REELD1: variants seen among roughly 807,000 people sequenced by gnomAD.
REELD1 encodes reelin domain-containing protein 1.
REELD1 carries 12 observed loss-of-function variants against 6.3 expected under a neutral mutation model. The ratio of observed to expected loss-of-function variants is 1.89; its 90% confidence interval spans 1.21 to 3.07. REELD1 has a LOEUF of 3.07. Among genes scored for constraint, REELD1 ranks in the 30% most tolerant of loss-of-function variants. The pLI is 0.00. For missense variants in REELD1, 163 were observed against 86.8 expected, an observed-to-expected ratio of 1.88 and a Z score of -3.49; for synonymous variants, 57 against 33.6, an observed-to-expected ratio of 1.70 and a Z score of -2.42.
chr4:146,225,378 C>T (rs576122566), intron 5 of REELD1, among the ~76,000 whole-genome samples: 2 of 152,276 alleles, frequency 1.3e-5, no homozygotes, highest in Admixed American at 6.5e-5. Flanking sequence ...TTCTCCTCTT[C>T]GCTTATTCTT....
intron 5 of REELD1, among the ~76,000 whole-genome samples, chr4:146,226,352 T>G (rs1731021825): frequency 6.6e-6 from 1 of 152,206 alleles, no homozygotes; most frequent in South Asian, 2.1e-4. Flanking sequence ...AAACTTTTCC[T>G]TATACTTCTT....
rs1425786946 is a variant in REELD1 at position 146,232,109 on chromosome 4, A to G, written c.*1596A>G. The G allele has an allele frequency of 1.3e-5, 2 of 152,260 alleles. No individual in the cohort carries two copies. The highest frequency in any genetic ancestry group is 4.8e-5 in the African/African-American group (2 of 41,470). 9.4% of individuals were successfully genotyped at this position (152,260 alleles called of 1,614,324 possible). A position where few individuals can be genotyped will look rare whatever the true frequency, so the allele number is the denominator to read the frequency against. On this transcript the variant is annotated 3_prime_UTR_variant, in exon 8 of 8. Transcript: ENST00000623665. ...TAGTGGAGAGCTTTCATCTGGCCAC[A>G]TCACATCAGAGCCAGATGCACCATG...
intron 4 of REELD1, among the ~76,000 whole-genome samples, chr4:146,223,074 G>C (rs55828257): frequency 0.36 from 54,268 of 152,086 alleles, 10,430 homozygotes; most frequent in African/African-American, 0.5. Context: ...TCGCTCAGAA[G>C]AGTTCCTGGC....
chr4:146,224,515 C>T lies in REELD1; in HGVS notation c.502C>T (p.His168Tyr), dbSNP rs2110921841. ...IESSVVSQQTHSSAHSDDRME... is the reference protein window; with the variant it reads ...IESSVVSQQTYSSAHSDDRME... ...ATCATCTGTTGTGTCTCAACAGACACATAGCAGCGCCCATTCTGACGACCG... is the reference window on the plus strand; with the variant it reads ...ATCATCTGTTGTGTCTCAACAGACATATAGCAGCGCCCATTCTGACGACCG... The change falls in exon 5 of 8, where the codon CAT becomes TAT. Residue 168 changes from histidine (H) to tyrosine (Y), a missense_variant. By Grantham distance (83) the His-to-Tyr change is moderately conservative. Coordinates refer to ENST00000623665, the MANE Select transcript of REELD1 (RefSeq NM_001354631.1). The T allele has an allele frequency of 1.4e-6, 1 of 701,122 alleles. No individual in the cohort carries two copies. Among genetic ancestry groups the T allele is most frequent in the Non-Finnish European group, 2.6e-6 (1 of 384,472 alleles). The allele number at this position is 701,122 out of a possible 1,614,324, so 43.4% of individuals were successfully genotyped here. A position where few individuals can be genotyped will look rare whatever the true frequency, so the allele number is the denominator to read the frequency against.
At chr4:146,219,813 TGTGA>T (rs2110917534) in intron 3 of REELD1, among the ~76,000 whole-genome samples, 1 of 152,390 alleles carries the variant, frequency 6.6e-6, no homozygotes, top group African/African-American at 2.4e-5. Context: ...TTTAAGCATA[TGTGA>T]GTGAGATCTC....
rs190888251 is a variant in REELD1, at chr4:146,229,051, C to T, written c.935C>T (p.Ser312Leu). Residue 312 changes from serine to leucine, a missense_variant, in exon 7 of 8, where the codon TCA becomes TTA. By Grantham distance (145) the Ser-to-Leu change is moderately radical. Coordinates refer to ENST00000623665, the MANE Select transcript of REELD1 (RefSeq NM_001354631.1). ...ACTCAGGATGATCCCAGCTTTGATT[C>T]ACTGGAAACTTGCCTGTCCTCAGAT... ...HRTQDDPSFD[S>L]LETCLSSDGG... The T allele has an allele frequency of 1.4e-6, 1 of 702,304 alleles. No individual in the cohort carries two copies. Among genetic ancestry groups the T allele is most frequent in the Non-Finnish European group, 2.6e-6 (1 of 384,884 alleles). The allele number at this position is 702,304 out of a possible 1,614,324, so 43.5% of individuals were successfully genotyped here.
intron 3 of REELD1, 44 bp downstream of exon 3, chr4:146,217,204 G>A: frequency 2.5e-6 from 1 of 398,894 alleles, no homozygotes. Flanking sequence ...GAGCCCCAGA[G>A]CCCCCATGGA....
chr4:146,226,709 G>C (rs892837927), intron 5 of REELD1, among the ~76,000 whole-genome samples: 1 of 152,174 alleles, frequency 6.6e-6, no homozygotes, highest in African/African-American at 2.4e-5. Flanking sequence ...TATGAATTTT[G>C]AGGGGGGCAC....
intron 3 of REELD1, among the ~76,000 whole-genome samples, chr4:146,220,834 G>A (rs921702458): frequency 5.3e-5 from 8 of 152,318 alleles, no homozygotes; most frequent in African/African-American, 1.2e-4. Flanking sequence ...TAACTTCCCC[G>A]AAGACAGGTG....
chr4:146,224,302 ATCTCTC>A (rs910260245), intron 4 of REELD1, 137 bp from the exon 5 acceptor site: 21 of 419,976 alleles, frequency 5.0e-5, no homozygotes, highest in African/African-American at 4.3e-4. Flanking sequence ...TAATAATATA[ATCTCTC>A]TCTCTCATTC....
Position 146,228,312 on chromosome 4 carries a change from G to A in REELD1, c.698G>A (p.Ser233Asn). The A allele has an allele frequency of 1.4e-6, 1 of 702,562 alleles. No homozygotes were observed. Among genetic ancestry groups the A allele is most frequent in the Non-Finnish European group, 2.6e-6 (1 of 384,998 alleles). The allele number at this position is 702,562 out of a possible 1,614,324, so 43.5% of individuals were successfully genotyped here. A position where few individuals can be genotyped will look rare whatever the true frequency, so the allele number is the denominator to read the frequency against. Reference protein sequence around the residue: ...EEDNLDPVPASIWVTKFPGDA... With the variant: ...EEDNLDPVPANIWVTKFPGDA... ...GACAACCTAGATCCTGTTCCTGCCA[G>A]TATTTGGGTGACAAAGTTTCCTGGG... Residue 233 changes from serine (S) to asparagine (N), a missense_variant, in exon 6 of 8, where the codon AGT (serine) becomes AAT (asparagine). Ser to Asn is a conservative substitution (Grantham distance 46). Coordinates refer to ENST00000623665, the MANE Select transcript of REELD1 (RefSeq NM_001354631.1).
intron 1 of REELD1, 96 bp from the exon 2 acceptor site, chr4:146,214,980 G>T (rs1296789735): frequency 1.3e-5 from 2 of 152,204 alleles, no homozygotes; most frequent in East Asian, 3.8e-4. Context: ...CCCTTCCCTT[G>T]TAGGCAACTG....
intron 3 of REELD1, among the ~76,000 whole-genome samples, chr4:146,222,108 G>T (rs1730934182): frequency 6.6e-6 from 1 of 151,802 alleles, no homozygotes; most frequent in Non-Finnish European, 1.5e-5. Context: ...GCTCAGAGAG[G>T]TATTTCTAAA....
intron 3 of REELD1, among the ~76,000 whole-genome samples, 182 bp downstream of exon 3, chr4:146,217,342 A>G (rs1380766781): frequency 6.6e-6 from 1 of 152,148 alleles, no homozygotes; most frequent in African/African-American, 2.4e-5. Flanking sequence ...TCCTGGGCTT[A>G]AGTGATCCTC....
chr4:146,217,369 A>G (rs1730845676), intron 3 of REELD1, among the ~76,000 whole-genome samples: 2 of 152,154 alleles, frequency 1.3e-5, no homozygotes, highest in Non-Finnish European at 2.9e-5. Context: ...CAGGCTCCCA[A>G]GAAGCTGGGA....
At chr4:146,228,066 A>G in intron 5 of REELD1, 144 bp from the exon 6 acceptor site, 1 of 603,516 alleles carries the variant, frequency 1.7e-6, no homozygotes, top group Non-Finnish European at 3.0e-6. Context: ...TTATGCTGAC[A>G]CTTTTAAGTG....
At position 146,216,112 on chromosome 4, in the gene REELD1, A is replaced by T. The variant is rs1280398173; in HGVS notation, c.-11-830A>T. ...TAAATATTTATGTAGGCAGATTTTC[A>T]TCTGCCTTGTTTGCTATCTCTCATT... On this transcript the variant is annotated intron_variant, in intron 2 of 7. Coordinates refer to ENST00000623665, the MANE Select transcript of REELD1 (RefSeq NM_001354631.1). Among the ~76,000 whole-genome samples, 3 of 152,350 alleles carry T rather than the reference A, an allele frequency of 2.0e-5. No homozygotes were observed. The East Asian group carries it at 5.8e-4, about 29-fold the overall frequency.
intron 6 of REELD1, 98 bp downstream of exon 6, chr4:146,228,620 T>A (rs953990741): frequency 2.1e-5 from 13 of 605,270 alleles, no homozygotes; most frequent in Non-Finnish European, 3.8e-5. Context: ...CTCAGCCATA[T>A]TTTTTCTTAA....
At chr4:146,227,353 A>G (rs1285439454) in intron 5 of REELD1, among the ~76,000 whole-genome samples, 1 of 152,216 alleles carries the variant, frequency 6.6e-6, no homozygotes, top group Non-Finnish European at 1.5e-5. Flanking sequence ...CTCCACCCCC[A>G]TAAAGAACCT....
Sources: allele counts gnomAD v4.1 joint callset (sites outside exome capture counted in the v4.1 genomes callset), GRCh38; gene constraint gnomAD v4.1.1; transcripts MANE v1.5; gene names NCBI Gene and HGNC (gene_info 2026-07-23, HGNC 2026-07-21).